Variants in CATSPERE observed in about 807,000 individuals in gnomAD.
The protein encoded by CATSPERE is cation channel sperm-associated auxiliary subunit epsilon.
In CATSPERE, 93 loss-of-function variants were observed where a neutral mutation model predicts 114.1. That is an observed-to-expected ratio of 0.81 (90% CI 0.69 to 0.97). The LOEUF is 0.97. Among genes scored for constraint, CATSPERE ranks in the 50% least tolerant of loss-of-function variants. The probability of loss-of-function intolerance (pLI) is 0.00; values close to 1 mark genes in which losing one functional copy is unlikely to be tolerated. For missense variants in CATSPERE, 1,058 were observed against 1,131.6 expected (o/e 0.93, Z 0.93); for synonymous variants, 341 against 384.1 (o/e 0.89, Z 1.31).
intron 1 of CATSPERE, 25 bp from the exon 2 acceptor site, chr1:244,463,883 T>C (rs199506873): frequency 6.4e-6 from 10 of 1,565,216 alleles, no homozygotes; most frequent in Non-Finnish European, 8.8e-6. Context: ...GTTTTAATAT[T>C]TATACTTGGC....
At chr1:244,583,107 G>C (rs181011840) in intron 12 of CATSPERE, among the ~76,000 whole-genome samples, 1 of 151,906 alleles carries the variant, frequency 6.6e-6, no homozygotes, top group Admixed American at 6.5e-5. Context: ...TAATGGTCTA[G>C]GTTCCTTTGG....
intron 5 of CATSPERE, among the ~76,000 whole-genome samples, chr1:244,488,564 T>G (rs983194355): frequency 6.6e-6 from 1 of 152,228 alleles, no homozygotes; most frequent in Non-Finnish European, 1.5e-5. Flanking sequence ...GACTGTCACT[T>G]TAATGTCAGC....
rs959287407 is a variant in CATSPERE, at chr1:244,584,147, TA to T, written c.2085+215del. Among the ~76,000 whole-genome samples, 22 of 152,218 alleles carry T rather than the reference TA, an allele frequency of 1.4e-4. 1 individual carries two copies. The highest frequency in any genetic ancestry group is 6.2e-4 in the South Asian group (3 of 4,822). On this transcript the variant is annotated intron_variant, in intron 13 of 21. Transcript: ENST00000366534. ...AAACAATCGTTTATTCATAATTTAATAAAAAAACAAAGAAAAAATCATTTAT... is the reference window on the plus strand; with the variant it reads ...AAACAATCGTTTATTCATAATTTAATAAAAAACAAAGAAAAAATCATTTAT...
rs149330961 is a variant in CATSPERE at position 244,607,896 on chromosome 1, A to G, written c.2403+2102A>G. Among the ~76,000 whole-genome samples the G allele has an allele frequency of 5.2e-3, 778 of 151,026 alleles. 10 individuals carry two copies. Among genetic ancestry groups the G allele is most frequent in the African/African-American group, 0.018 (758 of 41,192 alleles). On this transcript the variant is annotated intron_variant, in intron 18 of 21. Coordinates refer to ENST00000366534, the MANE Select transcript of CATSPERE (RefSeq NM_001130957.2). This position sits in a 1 kb window ranked among gnomAD's most constrained non-coding sequence, Gnocchi z 4.4. ...TGGGAGGCTGAGGCAGGCCGATCAC[A>G]AGGTCAGGAGTTTGAGACTGACCAA...
chr1:244,487,191 C>T (rs558709113), intron 5 of CATSPERE, among the ~76,000 whole-genome samples: 1 of 151,880 alleles, frequency 6.6e-6, no homozygotes, highest in East Asian at 1.9e-4. Flanking sequence ...GGTGGTTCAG[C>T]ATGTGGAATA....
rs1331820350 is a variant in CATSPERE, at chr1:244,461,276, C to T, written c.-154C>T. 3 of 575,260 alleles carry T rather than the reference C, an allele frequency of 5.2e-6. No homozygotes were observed. In the African/African-American group the frequency reaches 5.8e-5, roughly 11 times the overall value. The allele number at this position is 575,260 out of a possible 1,614,324, so 35.6% of individuals were successfully genotyped here. Reference sequence around the variant, plus strand: ...AGCGGCGCGCACGCGCACGCGCACACTTCTCCCTCGCTGGTCTTCAGGCCC... The same window carrying T: ...AGCGGCGCGCACGCGCACGCGCACATTTCTCCCTCGCTGGTCTTCAGGCCC... On this transcript the variant is annotated 5_prime_UTR_variant, in exon 1 of 22. Transcript: ENST00000366534.
Position 244,572,496 on chromosome 1 carries a change from T to C in CATSPERE, c.1674T>C (p.Asp558=). Residue 558 remains aspartate (D), a synonymous_variant, in exon 11 of 22, where the codon GAT becomes GAC. Coordinates refer to ENST00000366534, the MANE Select transcript of CATSPERE (RefSeq NM_001130957.2). ...CATATTTCCTGTATGCTTTGGATGATGGCACAATACAAATACAGGACTATC... is the reference window on the plus strand; with the variant it reads ...CATATTTCCTGTATGCTTTGGATGACGGCACAATACAAATACAGGACTATC... ...GQTYFLYALD[D]GTIQIQDYPL... 1 of 1,614,164 alleles carries C rather than the reference T, an allele frequency of 6.2e-7. No homozygotes were observed. Among genetic ancestry groups the C allele is most frequent in the Non-Finnish European group, 8.5e-7 (1 of 1,179,998 alleles).
intron 20 of CATSPERE, among the ~76,000 whole-genome samples, chr1:244,624,128 A>ATTTTTTTTTTTTTTTT (rs58744339): frequency 5.4e-3 from 673 of 125,638 alleles, no homozygotes; most frequent in Non-Finnish European, 8.8e-3. Flanking sequence ...TGCCCAGCTA[A>ATTTTTTTTTTTTTTTT]TTTTTTTTTT....
intron 1 of CATSPERE, 39 bp from the exon 2 acceptor site, chr1:244,463,869 A>T: frequency 1.3e-6 from 2 of 1,511,264 alleles, no homozygotes; most frequent in Non-Finnish European, 1.8e-6. Flanking sequence ...TGAAGAATAA[A>T]TTAGTTTTAA....
At chr1:244,588,659 T>A in intron 14 of CATSPERE, 125 bp downstream of exon 14, 1 of 736,180 alleles carries the variant, frequency 1.4e-6, no homozygotes, top group Non-Finnish European at 2.4e-6. Context: ...CAAAACTGAA[T>A]TGACGTTCAT....
At chr1:244,497,854 C>T (rs1170974969) in intron 6 of CATSPERE, among the ~76,000 whole-genome samples, 8 of 152,040 alleles carry the variant, frequency 5.3e-5, no homozygotes, top group Admixed American at 5.2e-4. Context: ...TTTCATCCAT[C>T]AGACTGGCAG....
At chr1:244,604,233 C>T (rs1669669696) in intron 17 of CATSPERE, among the ~76,000 whole-genome samples, 1 of 152,224 alleles carries the variant, frequency 6.6e-6, no homozygotes, top group Admixed American at 6.5e-5. Flanking sequence ...AGAAAAGAAG[C>T]CAAACACCAA....
chr1:244,497,978 A>G (rs1673394875), intron 6 of CATSPERE, among the ~76,000 whole-genome samples: 2 of 152,140 alleles, frequency 1.3e-5, no homozygotes, highest in Admixed American at 6.6e-5. Context: ...GCAGTTTATC[A>G]GTATCTATGA....
intron 2 of CATSPERE, 104 bp from the exon 3 acceptor site, chr1:244,477,437 T>C: frequency 1.5e-6 from 1 of 677,398 alleles, no homozygotes; most frequent in African/African-American, 1.8e-5. Context: ...TTAGTTATTC[T>C]TTCTTTAAAT....
At chr1:244,628,051 C>T (rs1237784154) in intron 20 of CATSPERE, among the ~76,000 whole-genome samples, 2 of 152,186 alleles carry the variant, frequency 1.3e-5, no homozygotes, top group South Asian at 4.1e-4. Context: ...GTTGTGTTCC[C>T]GTAACCCTTA....
At chr1:244,564,370 T>C (rs1454613421) in intron 10 of CATSPERE, among the ~76,000 whole-genome samples, 3 of 152,256 alleles carry the variant, frequency 2.0e-5, no homozygotes, top group African/African-American at 7.2e-5. Context: ...ATACTGATTC[T>C]TCCTATCCAT....
chr1:244,481,019 A>T (rs1462481696), intron 5 of CATSPERE, among the ~76,000 whole-genome samples: 2 of 152,210 alleles, frequency 1.3e-5, no homozygotes, highest in African/African-American at 4.8e-5. Context: ...TCATGCCTGT[A>T]GTCCCAGCTA....
intron 21 of CATSPERE, among the ~76,000 whole-genome samples, chr1:244,638,033 G>A (rs1053734417): frequency 2.0e-5 from 3 of 152,120 alleles, no homozygotes; most frequent in Middle Eastern, 3.4e-3. Flanking sequence ...TCCACTTACT[G>A]AGGAAACTTT....
chr1:244,480,586 G>A lies in CATSPERE; in HGVS notation c.326+802G>A, dbSNP rs544322047. On this transcript the variant is annotated intron_variant, in intron 5 of 21. Coordinates refer to ENST00000366534, the MANE Select transcript of CATSPERE (RefSeq NM_001130957.2). ...ATTAGTTGAGGATTGGCACATACAC[G>A]ATCCAGGCAGAACCAATCAGAATAC... Among the ~76,000 whole-genome samples, 258 of 152,310 alleles carry A rather than the reference G, an allele frequency of 1.7e-3. 3 individuals are homozygous for A. The highest frequency in any genetic ancestry group is 6.9e-4 in the Non-Finnish European group (47 of 68,034).
Sources: allele counts gnomAD v4.1 joint callset (sites outside exome capture counted in the v4.1 genomes callset), GRCh38; gene constraint gnomAD v4.1.1; non-coding constraint Gnocchi (gnomAD v3.1); transcripts MANE v1.5; gene names NCBI Gene and HGNC (gene_info 2026-07-23, HGNC 2026-07-21).